Variants in TPH1 observed in about 807,000 individuals in gnomAD.
TPH1 encodes tryptophan 5-hydroxylase 1.
A neutral mutation model predicts 49.5 loss-of-function variants in TPH1; 37 were observed. That is an observed-to-expected ratio of 0.75 (90% CI 0.58 to 0.98). TPH1 has a LOEUF of 0.98. TPH1 is among the 50% of genes least tolerant of loss of function. The pLI, the probability that TPH1 is intolerant of heterozygous loss-of-function variation, is 0.00. For synonymous variants in TPH1, 160 were observed against 182.1 expected, an observed-to-expected ratio of 0.88 and a Z score of 0.98; for missense variants, 487 against 523.6, an observed-to-expected ratio of 0.93 and a Z score of 0.68.
At chr11:18,045,966 C>T (rs1236755805) in intron 1 of TPH1, among the ~76,000 whole-genome samples, 1 of 152,172 alleles carries the variant, frequency 6.6e-6, no homozygotes, top group Non-Finnish European at 1.5e-5. Context: ...AAATATCTAC[C>T]AGAGTTTGTC....
Position 18,036,009 on chromosome 11 carries a change from G to A in TPH1, c.251C>T (p.Thr84Ile). 6.2e-7 allele frequency: 1 copy of A among 1,612,574 alleles called. No individual in the cohort carries two copies. Among genetic ancestry groups the A allele is most frequent in the African/African-American group, 1.3e-5 (1 of 74,990 alleles). Residue 84 changes from threonine to isoleucine, a missense_variant, in exon 3 of 11, where the codon ACC (threonine) becomes ATC (isoleucine). Physicochemically the swap from Thr to Ile is moderately conservative, Grantham distance 89. Transcript: ENST00000682019. ...NDIFHLLKSH[T>I]NVLSVNLPDN... ...TGGTAGATTCACAGAGAGAACATTGGTATGAGACTTCAGCAGATGAAAAAT... is the reference window on the plus strand; with the variant it reads ...TGGTAGATTCACAGAGAGAACATTGATATGAGACTTCAGCAGATGAAAAAT...
chr11:18,033,237 A>T, intron 4 of TPH1, 37 bp downstream of exon 4: 2 of 1,521,696 alleles, frequency 1.3e-6, no homozygotes, highest in Admixed American at 3.3e-5. Flanking sequence ...TGGACAGCAG[A>T]GCAAGACTTG....
chr11:18,038,028 A>G (rs1848061909), intron 2 of TPH1, among the ~76,000 whole-genome samples: 1 of 152,252 alleles, frequency 6.6e-6, no homozygotes, highest in Non-Finnish European at 1.5e-5. Flanking sequence ...AAAGACACTA[A>G]AGATTGACAG....
chr11:18,036,333 A>T (rs898008164), intron 2 of TPH1, among the ~76,000 whole-genome samples, 191 bp from the exon 3 acceptor site: 5 of 152,348 alleles, frequency 3.3e-5, no homozygotes, highest in African/African-American at 1.2e-4. Flanking sequence ...AAACTTTTCA[A>T]AATTCATCCC....
chr11:18,030,775 AAAAC>A (rs774352177), intron 4 of TPH1, among the ~76,000 whole-genome samples: 60 of 152,266 alleles, frequency 3.9e-4, no homozygotes, highest in East Asian at 7.7e-4. Flanking sequence ...CACAGTGATT[AAAAC>A]AAACAAACAA....
intron 4 of TPH1, 133 bp from the exon 5 acceptor site, chr11:18,029,712 T>C: frequency 1.4e-6 from 1 of 708,392 alleles, no homozygotes; most frequent in Non-Finnish European, 2.4e-6. Context: ...GCAAGCATTA[T>C]TTAGAGATTT....
Position 18,036,058 on chromosome 11 carries a change from T to G in TPH1, c.202A>C (p.Ile68Leu). 2 of 1,612,500 alleles carry G rather than the reference T, an allele frequency of 1.2e-6. No homozygotes were observed. The highest frequency in any genetic ancestry group is 1.7e-6 in the Non-Finnish European group (2 of 1,179,122). ...SEFEIFVDCDINREQLNDIFH... is the reference protein window; with the variant it reads ...SEFEIFVDCDLNREQLNDIFH... ...ATATCATTCAATTGTTCTCTGTTGA[T>G]GTCACAGTCAACAAAAATCTCAAAT... The change falls in exon 3 of 11, where the codon ATC (isoleucine) becomes CTC (leucine). Residue 68 changes from isoleucine to leucine, a missense_variant. By Grantham distance (5) the Ile-to-Leu change is conservative. Transcript: ENST00000682019.
At chr11:18,030,018 CA>C (rs1847971663) in intron 4 of TPH1, among the ~76,000 whole-genome samples, 1 of 152,064 alleles carries the variant, frequency 6.6e-6, no homozygotes, top group Non-Finnish European at 1.5e-5. Flanking sequence ...GATTTTATCA[CA>C]AAATGCAAAT....
chr11:18,029,665 G>T (rs549338858), intron 4 of TPH1, 86 bp from the exon 5 acceptor site: 1 of 1,072,762 alleles, frequency 9.3e-7, no homozygotes, highest in Non-Finnish European at 1.4e-6. Flanking sequence ...TATTACTAGA[G>T]CTATTATATT....
Position 18,023,942 on chromosome 11 carries a change from A to G in TPH1, c.972T>C (p.Asp324=), listed in dbSNP as rs758925354. 6.2e-7 allele frequency: 1 copy of G among 1,613,536 alleles called. No homozygotes were observed. The highest frequency in any genetic ancestry group is 1.1e-5 in the South Asian group (1 of 91,072). The change falls in exon 9 of 11, where the codon GAT becomes GAC. Residue 324 remains aspartate (D), a synonymous_variant. Coordinates refer to ENST00000682019, the MANE Select transcript of TPH1 (RefSeq NM_004179.3). ...FTVEFGLCKQ[D]GQLRVFGAGL... is the part of the protein sequence containing the mutation. ...CAGCACCAAAGACTCTTAGCTGTCC[A>G]TCTTGTTTACATAGACCAAACTCCA... is the stretch of plus-strand genomic sequence containing the variant.
chr11:18,039,987 A>C (rs1369815620), intron 2 of TPH1, among the ~76,000 whole-genome samples: 1 of 152,012 alleles, frequency 6.6e-6, no homozygotes, highest in Non-Finnish European at 1.5e-5. Context: ...AAGTTCTGAC[A>C]ATAGGAGACA....
In TPH1 at chr11:18,045,216, G is replaced by A. The variant is rs192178965; in HGVS notation, c.-27+1025C>T. On this transcript the variant is annotated intron_variant, in intron 1 of 10. Transcript: ENST00000682019. ...GCAAGGAGGATTCTTTCAGAGGGAG[G>A]GAATCCTCTACGGAGTCTTGATTTT... 6.6e-5 allele frequency among the ~76,000 whole-genome samples: 10 copies of A among 152,282 alleles called. No homozygotes were observed. In the East Asian group the frequency reaches 1.9e-3, roughly 29 times the overall value.
chr11:18,040,808 A>G lies in TPH1; in HGVS notation c.-26-20T>C. 1 of 1,599,154 alleles carries G rather than the reference A, an allele frequency of 6.3e-7. No homozygotes were observed. Among genetic ancestry groups the G allele is most frequent in the Non-Finnish European group, 8.5e-7 (1 of 1,173,422 alleles). On this transcript the variant is annotated intron_variant, in intron 1 of 10. Coordinates refer to ENST00000682019, the MANE Select transcript of TPH1 (RefSeq NM_004179.3). ...CTAAAACTAAAGTATGAAAACAAAG[A>G]CTACGGGCTAAAAAAGAAGTTGCAC...
intron 2 of TPH1, among the ~76,000 whole-genome samples, chr11:18,038,342 A>C (rs1848065787): frequency 6.6e-6 from 1 of 152,236 alleles, no homozygotes. Context: ...ACCATGTAGC[A>C]GTTAGAAGAA....
In TPH1 at chr11:18,044,324, A is replaced by G. The variant is rs1017617451; in HGVS notation, c.-27+1917T>C. 4.6e-5 allele frequency among the ~76,000 whole-genome samples: 7 copies of G among 152,082 alleles called. No homozygotes were observed. In the East Asian group the frequency reaches 7.7e-4, roughly 17 times the overall value. On this transcript the variant is annotated intron_variant, in intron 1 of 10. Transcript: ENST00000682019. The stretch of plus-strand genomic sequence containing the variant: ...GTAGTCCCAGCTACTTGGGAGGCTG[A>G]GGTAGGAGAATGGCTTGAACCTGGG...
At chr11:18,042,757 C>G (rs1316438981) in intron 1 of TPH1, among the ~76,000 whole-genome samples, 1 of 152,138 alleles carries the variant, frequency 6.6e-6, no homozygotes, top group African/African-American at 2.4e-5. Context: ...AGAAAATGTT[C>G]AAGTAATGAA....
intron 7 of TPH1, among the ~76,000 whole-genome samples, chr11:18,025,995 C>T (rs1182375083): frequency 6.6e-6 from 1 of 151,972 alleles, no homozygotes; most frequent in African/African-American, 2.4e-5. Flanking sequence ...CAGATCTCTG[C>T]TCAGATATCA....
At position 18,021,184 on chromosome 11, in the gene TPH1, A is replaced by T. The variant is rs1365708373; in HGVS notation, c.1161-19T>A. On this transcript the variant is annotated intron_variant, in intron 10 of 10. Coordinates refer to ENST00000682019, the MANE Select transcript of TPH1 (RefSeq NM_004179.3). ...AAATTCTCTATTTAAGAAAACAAAT[A>T]GGAGACAATCAATTTCTAGGGAGTG... 1.2e-6 allele frequency: 2 copies of T among 1,608,590 alleles called. No individual in the cohort carries two copies. Among genetic ancestry groups the T allele is most frequent in the Non-Finnish European group, 1.7e-6 (2 of 1,175,062 alleles).
At chr11:18,026,805 A>C (rs1160204890) in intron 6 of TPH1, among the ~76,000 whole-genome samples, 180 bp from the exon 7 acceptor site, 1 of 152,214 alleles carries the variant, frequency 6.6e-6, no homozygotes, top group Non-Finnish European at 1.5e-5. Context: ...CCAGGCAATG[A>C]GTTAGACCTT....
Sources: gnomAD v4.1 joint callset for allele counts (sites outside exome capture counted in the v4.1 genomes callset) on GRCh38, gnomAD v4.1.1 for gene constraint, MANE v1.5 for transcripts, NCBI Gene and HGNC (gene_info 2026-07-23, HGNC 2026-07-21) for gene names.